Variants in AMPH observed in about 807,000 individuals in gnomAD.
AMPH encodes amphiphysin.
A neutral mutation model predicts 99.1 loss-of-function variants in AMPH; 49 were observed. The observed-to-expected ratio is 0.49, with a 90% CI of 0.39 to 0.63. AMPH has a LOEUF of 0.63. AMPH is among the 20% of genes least tolerant of loss of function. AMPH has a pLI of 0.00. For synonymous variants in AMPH, 314 were observed against 317.3 expected (o/e 0.99, Z 0.11); for missense variants, 759 against 863.4 (o/e 0.88, Z 1.52).
chr7:38,626,092 G>A (rs1018572714), intron 1 of AMPH, among the ~76,000 whole-genome samples: 1 of 152,172 alleles, frequency 6.6e-6, no homozygotes, highest in African/African-American at 2.4e-5. Context: ...CTCATGGTTA[G>A]CACTATTGCC....
Position 38,384,615 on chromosome 7 carries a change from G to T in AMPH, c.*203C>A. On this transcript the variant is annotated 3_prime_UTR_variant, in exon 21 of 21. Transcript: ENST00000356264. The stretch of plus-strand genomic sequence containing the variant: ...AACAAACCTGTTATTGACAACATGG[G>T]AATGAGTGAGGATTTTTTCCTTAAT... 1 of 500,378 alleles carries T rather than the reference G, an allele frequency of 2.0e-6. No homozygotes were observed. 31.0% of individuals were successfully genotyped at this position (500,378 alleles called of 1,614,324 possible). A position where few individuals can be genotyped will look rare whatever the true frequency, so the allele number is the denominator to read the frequency against.
chr7:38,462,085 G>A (rs538749127), intron 10 of AMPH, among the ~76,000 whole-genome samples: 2 of 152,264 alleles, frequency 1.3e-5, no homozygotes, highest in Admixed American at 6.5e-5. Context: ...CTGTGATCAC[G>A]AGGGTAAATG....
intron 20 of AMPH, among the ~76,000 whole-genome samples, chr7:38,385,969 C>T (rs1784337755): frequency 6.6e-6 from 1 of 151,876 alleles, no homozygotes; most frequent in African/African-American, 2.4e-5. Flanking sequence ...TCTGAACAAA[C>T]CCCCAACATA....
intron 12 of AMPH, among the ~76,000 whole-genome samples, chr7:38,432,978 T>C (rs1374312969): frequency 6.6e-6 from 1 of 152,148 alleles, no homozygotes; most frequent in Non-Finnish European, 1.5e-5. Flanking sequence ...AGGGAAGACT[T>C]CTCTTTCTTA....
intron 5 of AMPH, among the ~76,000 whole-genome samples, chr7:38,488,670 A>T (rs1788606928): frequency 6.6e-6 from 1 of 152,092 alleles, no homozygotes; most frequent in Non-Finnish European, 1.5e-5. Context: ...AAAATATAAT[A>T]AAAAAATTAT....
intron 1 of AMPH, among the ~76,000 whole-genome samples, chr7:38,596,044 G>C (rs1272901581): frequency 6.6e-6 from 1 of 152,146 alleles, no homozygotes; most frequent in Non-Finnish European, 1.5e-5. Flanking sequence ...TGTCTTTTTG[G>C]TAGGGTGATT....
chr7:38,557,280 C>T (rs1791400634), intron 1 of AMPH, among the ~76,000 whole-genome samples: 1 of 152,188 alleles, frequency 6.6e-6, no homozygotes, highest in African/African-American at 2.4e-5. Context: ...ATAGTAGTTC[C>T]TAACCCAGGT....
chr7:38,395,233 A>G (rs1200407001), intron 17 of AMPH, among the ~76,000 whole-genome samples: 1 of 152,022 alleles, frequency 6.6e-6, no homozygotes, highest in Non-Finnish European at 1.5e-5. Flanking sequence ...GGAAAAAAAA[A>G]TACATAAGGA....
At chr7:38,603,895 G>C (rs1445978544) in intron 1 of AMPH, among the ~76,000 whole-genome samples, 1 of 152,232 alleles carries the variant, frequency 6.6e-6, no homozygotes, top group Non-Finnish European at 1.5e-5. Flanking sequence ...TAAGAAAAGA[G>C]ATGCACATTT....
chr7:38,627,205 G>A (rs1460210216), intron 1 of AMPH, among the ~76,000 whole-genome samples: 2 of 151,954 alleles, frequency 1.3e-5, no homozygotes, highest in Admixed American at 6.6e-5. Flanking sequence ...ATAGGCACAA[G>A]GCCCAGTTTG....
intron 2 of AMPH, among the ~76,000 whole-genome samples, chr7:38,534,534 A>C (rs1484378787): frequency 6.6e-6 from 1 of 152,026 alleles, no homozygotes; most frequent in East Asian, 1.9e-4. Context: ...AATTAGCCAC[A>C]TATGATGGTG....
chr7:38,443,489 A>G (rs1336897087), intron 11 of AMPH, among the ~76,000 whole-genome samples: 1 of 152,134 alleles, frequency 6.6e-6, no homozygotes, highest in Non-Finnish European at 1.5e-5. Context: ...CACAGATAAA[A>G]AGGATAACAT....
chr7:38,390,961 CAGAGAGAGAGAG>C (rs199667568), intron 19 of AMPH, among the ~76,000 whole-genome samples: 6,237 of 129,048 alleles, frequency 0.048, 144 homozygotes, highest in East Asian at 0.09. Context: ...GAGACAAAGA[CAGAGAGAGAGAG>C]AGAGAGAGAG....
intron 17 of AMPH, among the ~76,000 whole-genome samples, chr7:38,400,935 TAACA>T (rs1038920141): frequency 1.3e-5 from 2 of 152,202 alleles, no homozygotes; most frequent in Non-Finnish European, 2.9e-5. Flanking sequence ...AATTTTTTTC[TAACA>T]AATTTTAAAA....
At chr7:38,622,145 C>A (rs1274710346) in intron 1 of AMPH, among the ~76,000 whole-genome samples, 2 of 152,146 alleles carry the variant, frequency 1.3e-5, no homozygotes, top group African/African-American at 4.8e-5. Context: ...ATTATATCTG[C>A]AACACAAGGA....
Position 38,517,087 on chromosome 7 carries a change from T to C in AMPH, c.151-13383A>G, listed in dbSNP as rs866490871. ...GGTCTTGCTTTGTCTCAGATAAGAC[T>C]TTGAACTGTGGACTTTTGAGTTAAT... On this transcript the variant is annotated intron_variant, in intron 2 of 20. Transcript: ENST00000356264. Among the ~76,000 whole-genome samples, 7 of 152,362 alleles carry C rather than the reference T, an allele frequency of 4.6e-5. No homozygotes were observed. In the Middle Eastern group the frequency reaches 0.01, roughly 222 times the overall value.
rs75787375 is a variant in AMPH, at chr7:38,591,127, C to G, written c.69+40156G>C. On this transcript the variant is annotated intron_variant, in intron 1 of 20. Coordinates refer to ENST00000356264, the MANE Select transcript of AMPH (RefSeq NM_001635.4). ...TATCATTATCATAGGGCTAGGTTAC[C>G]AGGTCTCCTCTGATTCCCATGGCAA... Among the ~76,000 whole-genome samples the G allele has an allele frequency of 4.4e-3, 676 of 152,148 alleles. 4 individuals carry two copies. Among genetic ancestry groups the G allele is most frequent in the African/African-American group, 0.016 (647 of 41,494 alleles).
At chr7:38,414,685 G>C (rs1785314378) in intron 17 of AMPH, among the ~76,000 whole-genome samples, 1 of 149,880 alleles carries the variant, frequency 6.7e-6, no homozygotes, top group South Asian at 2.1e-4. Context: ...TTTTTTTTGA[G>C]ACAGAGTCTC....
chr7:38,532,094 G>A (rs1333143356), intron 2 of AMPH, among the ~76,000 whole-genome samples: 2 of 152,086 alleles, frequency 1.3e-5, no homozygotes, highest in Non-Finnish European at 2.9e-5. Flanking sequence ...TCTCCGTAGA[G>A]CATTAATAAA....
Sources: allele counts gnomAD v4.1 joint callset (sites outside exome capture counted in the v4.1 genomes callset), GRCh38; gene constraint gnomAD v4.1.1; transcripts MANE v1.5; gene names NCBI Gene and HGNC (gene_info 2026-07-23, HGNC 2026-07-21).